The following FAM222B variants were observed in gnomAD, a reference collection of about 807,000 sequenced individuals.
FAM222B encodes protein FAM222B.
A neutral mutation model predicts 38.0 loss-of-function variants in FAM222B; 12 were observed. That is an observed-to-expected ratio of 0.32 (90% CI 0.20 to 0.51). FAM222B has a LOEUF of 0.51. Ranked by LOEUF, FAM222B falls within the 20% of genes least tolerant of loss-of-function variation. FAM222B has a pLI of 0.97. For synonymous variants in FAM222B, 329 were observed against 317.2 expected (o/e 1.04, Z -0.40); for missense variants, 716 against 754.2 (o/e 0.95, Z 0.59).
rs1567784319 is a variant in FAM222B, at chr17:28,759,045, T to C, written c.914A>G (p.Asn305Ser). 13 of 1,612,576 alleles carry C rather than the reference T, an allele frequency of 8.1e-6. No homozygotes were observed. Among genetic ancestry groups the C allele is most frequent in the South Asian group, 5.5e-5 (5 of 90,812 alleles). ...PSPISRSLLI[N>S]ASTRVSTHSV... Reference sequence around the variant, plus strand: ...GTGGGTCGACACCCGGGTGCTTGCATTGATGAGCAGACTGCGACTAATGGG... The same window carrying C: ...GTGGGTCGACACCCGGGTGCTTGCACTGATGAGCAGACTGCGACTAATGGG... The change falls in exon 3 of 3, where the codon AAT (asparagine) becomes AGT (serine). Residue 305 changes from asparagine (N) to serine (S), a missense_variant. By Grantham distance (46) the Asn-to-Ser change is conservative. Coordinates refer to ENST00000581407, the MANE Select transcript of FAM222B (RefSeq NM_001077498.3). The surrounding 1 kb of genome is among the most constrained non-coding windows in gnomAD (Gnocchi z 4.8).
intron 1 of FAM222B, among the ~76,000 whole-genome samples, chr17:28,849,810 A>C (rs2039169324): frequency 6.6e-6 from 1 of 152,052 alleles, no homozygotes; most frequent in South Asian, 2.1e-4. Flanking sequence ...CACCAGGCGC[A>C]GTGGCTCACG....
chr17:28,822,490 T>G (rs999403881), intron 1 of FAM222B, among the ~76,000 whole-genome samples: 1 of 151,258 alleles, frequency 6.6e-6, no homozygotes, highest in Non-Finnish European at 1.5e-5. Flanking sequence ...CTGGGCGCAG[T>G]GGCATAAGCC....
At chr17:28,781,926 C>G (rs1258883695) in intron 1 of FAM222B, among the ~76,000 whole-genome samples, 2 of 152,114 alleles carry the variant, frequency 1.3e-5, no homozygotes, top group African/African-American at 4.8e-5. Flanking sequence ...TTCAAGAGAT[C>G]TACTGTACAA....
chr17:28,847,879 A>C (rs1382224924), intron 1 of FAM222B, among the ~76,000 whole-genome samples: 1 of 151,132 alleles, frequency 6.6e-6, no homozygotes, highest in Non-Finnish European at 1.5e-5. Flanking sequence ...GCGCCACTGT[A>C]CTCCGGCCTG....
At chr17:28,785,891 G>A (rs768138401) in intron 1 of FAM222B, among the ~76,000 whole-genome samples, 8 of 152,118 alleles carry the variant, frequency 5.3e-5, no homozygotes, top group Non-Finnish European at 5.9e-5. Context: ...TGTATTTTTA[G>A]TAGAGACGGG....
intron 1 of FAM222B, among the ~76,000 whole-genome samples, chr17:28,833,643 G>GA (rs975966033): frequency 8.3e-4 from 116 of 140,356 alleles, no homozygotes; most frequent in Non-Finnish European, 1.3e-3. Flanking sequence ...GAAGTTCACA[G>GA]AAAAAAAAAA....
chr17:28,761,995 T>C (rs1308300253), intron 2 of FAM222B: 1 of 152,136 alleles, frequency 6.6e-6, no homozygotes, highest in East Asian at 1.9e-4. Context: ...CCTTGATGAG[T>C]AGAAGAGTCC....
intron 1 of FAM222B, among the ~76,000 whole-genome samples, chr17:28,773,619 C>G (rs1353633871): frequency 2.0e-5 from 3 of 151,032 alleles, no homozygotes; most frequent in African/African-American, 7.3e-5. Context: ...GCCAACATGG[C>G]AAAACCCCAT....
At chr17:28,766,270 C>T (rs2035323007) in intron 2 of FAM222B, among the ~76,000 whole-genome samples, 2 of 151,982 alleles carry the variant, frequency 1.3e-5, no homozygotes, top group Non-Finnish European at 2.9e-5. Flanking sequence ...GCCTGGCCAA[C>T]ATGGTGAAAC....
At chr17:28,804,781 G>A (rs2037402820) in intron 1 of FAM222B, among the ~76,000 whole-genome samples, 1 of 151,730 alleles carries the variant, frequency 6.6e-6, no homozygotes, top group Non-Finnish European at 1.5e-5. Flanking sequence ...GGTGGCTCAC[G>A]CCTATAATCC....
chr17:28,770,601 T>G (rs1411189695), intron 1 of FAM222B, among the ~76,000 whole-genome samples: 1 of 150,394 alleles, frequency 6.6e-6, no homozygotes, highest in Admixed American at 6.6e-5. Flanking sequence ...GACAGAGTCT[T>G]GCTCTCTCAC....
chr17:28,782,863 C>G (rs538844678), intron 1 of FAM222B, among the ~76,000 whole-genome samples: 1 of 152,102 alleles, frequency 6.6e-6, no homozygotes, highest in South Asian at 2.1e-4. Flanking sequence ...CTCGGCCGGG[C>G]GCGGTGGCTC....
intron 1 of FAM222B, among the ~76,000 whole-genome samples, chr17:28,851,641 G>A (rs2039181869): frequency 1.3e-5 from 2 of 152,046 alleles, no homozygotes; most frequent in African/African-American, 2.4e-5. Flanking sequence ...ACTTTGGGAC[G>A]CCAAGGCGGG....
chr17:28,778,535 C>T (rs1452892900), intron 1 of FAM222B, among the ~76,000 whole-genome samples: 1 of 144,266 alleles, frequency 6.9e-6, no homozygotes, highest in Non-Finnish European at 1.5e-5. Flanking sequence ...ACAGGGCCTC[C>T]TTCTGTCACC....
chr17:28,767,467 CATTT>C (rs1420877559), intron 1 of FAM222B, among the ~76,000 whole-genome samples: 1 of 150,104 alleles, frequency 6.7e-6, no homozygotes, highest in Non-Finnish European at 1.5e-5. Context: ...CATGAACTTA[CATTT>C]ATTTACTTAT....
chr17:28,817,042 A>G (rs1382453559), intron 1 of FAM222B, among the ~76,000 whole-genome samples: 1 of 152,118 alleles, frequency 6.6e-6, no homozygotes, highest in Non-Finnish European at 1.5e-5. Context: ...GACCCCAGAG[A>G]CAAAAAGATT....
At chr17:28,779,554 A>G (rs1158972197) in intron 1 of FAM222B, among the ~76,000 whole-genome samples, 1 of 151,996 alleles carries the variant, frequency 6.6e-6, no homozygotes, top group African/African-American at 2.4e-5. Context: ...GATCGTGACC[A>G]TCCTGGCTAA....
At chr17:28,795,729 TAC>T (rs2036910416) in intron 1 of FAM222B, among the ~76,000 whole-genome samples, 1 of 152,230 alleles carries the variant, frequency 6.6e-6, no homozygotes, top group African/African-American at 2.4e-5. Flanking sequence ...GCCAATGTCC[TAC>T]AGACTTTTAA....
intron 1 of FAM222B, among the ~76,000 whole-genome samples, chr17:28,848,278 C>A (rs2039159013): frequency 1.3e-5 from 2 of 152,116 alleles, no homozygotes; most frequent in African/African-American, 4.8e-5. Flanking sequence ...CTAAAACAAT[C>A]ATCATGGGCT....
Sources: allele counts gnomAD v4.1 joint callset (sites outside exome capture counted in the v4.1 genomes callset), GRCh38; gene constraint gnomAD v4.1.1; non-coding constraint Gnocchi (gnomAD v3.1); transcripts MANE v1.5; gene names NCBI Gene and HGNC (gene_info 2026-07-23, HGNC 2026-07-21).